NLGN1: variants seen among roughly 807,000 people sequenced by gnomAD.
NLGN1 encodes neuroligin-1.
Under a neutral mutation model 65.5 loss-of-function variants are expected in NLGN1, and 12 were observed. The ratio of observed to expected loss-of-function variants is 0.18; its 90% CI spans 0.12 to 0.30. The LOEUF (loss-of-function observed/expected upper bound fraction) is 0.30, where lower values mean the gene tolerates loss of function less well. Among genes scored for constraint, NLGN1 ranks in the 10% least tolerant of loss-of-function variants. The pLI is 1.00. For missense variants in NLGN1, 750 were observed against 1,007.1 expected (o/e 0.74, Z 3.46); for synonymous variants, 350 against 359.5 (o/e 0.97, Z 0.30).
chr3:174,162,354 G>A (rs1451931897), intron 4 of NLGN1, among the ~76,000 whole-genome samples: 1 of 151,834 alleles, frequency 6.6e-6, no homozygotes, highest in Non-Finnish European at 1.5e-5. Context: ...ACATCTAGGA[G>A]CAATCAGTGT....
chr3:173,423,480 G>A (rs910445747), intron 1 of NLGN1, among the ~76,000 whole-genome samples: 1 of 152,060 alleles, frequency 6.6e-6, no homozygotes, highest in African/African-American at 2.4e-5. Flanking sequence ...TTACCTCCAA[G>A]ATACAATGGA....
chr3:173,809,079 G>A (rs543909388), intron 4 of NLGN1, among the ~76,000 whole-genome samples: 19 of 143,336 alleles, frequency 1.3e-4, no homozygotes, highest in Non-Finnish European at 1.7e-4. Context: ...TTTGGAGTGT[G>A]GTGAATGACC....
chr3:173,839,795 A>G (rs1724425201), intron 4 of NLGN1, among the ~76,000 whole-genome samples: 1 of 152,176 alleles, frequency 6.6e-6, no homozygotes, highest in South Asian at 2.1e-4. Flanking sequence ...AAGCACTCAA[A>G]CATTAGCAGC....
At chr3:174,226,133 A>C (rs1448132006) in intron 4 of NLGN1, among the ~76,000 whole-genome samples, 1 of 152,128 alleles carries the variant, frequency 6.6e-6, no homozygotes, top group African/African-American at 2.4e-5. Context: ...GATGATTAGG[A>C]AACATATGGC....
intron 4 of NLGN1, among the ~76,000 whole-genome samples, chr3:173,970,261 T>A (rs1715913388): frequency 6.6e-6 from 1 of 152,168 alleles, no homozygotes; most frequent in Admixed American, 6.6e-5. Context: ...AAGTAAACAT[T>A]AGTGAAGACT....
chr3:173,719,715 C>A (rs1358087269), intron 3 of NLGN1, among the ~76,000 whole-genome samples: 11 of 152,142 alleles, frequency 7.2e-5, no homozygotes, highest in Non-Finnish European at 1.3e-4. Context: ...TTAAGGAATC[C>A]TGAAAATGTC....
At chr3:173,852,433 C>G (rs966793706) in intron 4 of NLGN1, among the ~76,000 whole-genome samples, 2 of 149,036 alleles carry the variant, frequency 1.3e-5, no homozygotes, top group Admixed American at 6.7e-5. Flanking sequence ...CCATGGAATG[C>G]CCCAATAGGA....
intron 4 of NLGN1, among the ~76,000 whole-genome samples, chr3:173,909,860 T>TAG (rs1362636741): frequency 6.6e-6 from 1 of 152,100 alleles, no homozygotes; most frequent in Non-Finnish European, 1.5e-5. Flanking sequence ...GTATTTTCAG[T>TAG]AGAGACGGGG....
intron 1 of NLGN1, among the ~76,000 whole-genome samples, chr3:173,418,544 T>C (rs1370918545): frequency 6.6e-6 from 1 of 152,204 alleles, no homozygotes; most frequent in Non-Finnish European, 1.5e-5. Flanking sequence ...ATCCAATAGG[T>C]ATGATCTTTC....
intron 4 of NLGN1, among the ~76,000 whole-genome samples, chr3:173,889,988 GGT>G (rs140428383): frequency 0.023 from 3,394 of 147,202 alleles, 105 homozygotes; most frequent in African/African-American, 0.073. Context: ...TATGTATGAG[GGT>G]GTGTGTGTGT....
chr3:173,692,277 A>C (rs1013721953), intron 3 of NLGN1, among the ~76,000 whole-genome samples: 1 of 152,102 alleles, frequency 6.6e-6, no homozygotes, highest in Non-Finnish European at 1.5e-5. Flanking sequence ...TTATGTAGTC[A>C]CCGTCTCCTC....
At chr3:173,791,086 G>A (rs968500105) in intron 3 of NLGN1, among the ~76,000 whole-genome samples, 30 of 152,292 alleles carry the variant, frequency 2.0e-4, no homozygotes, top group African/African-American at 6.5e-4. Context: ...GTCTACAGTC[G>A]TTAAAAACGG....
intron 4 of NLGN1, 125 bp from the exon 5 acceptor site, chr3:174,275,190 T>C (rs1410723012): frequency 3.0e-6 from 2 of 666,318 alleles, no homozygotes; most frequent in African/African-American, 1.8e-5. Flanking sequence ...TAGTGGAAAA[T>C]AATTTTTACT....
chr3:173,829,557 TG>T (rs1722062353), intron 4 of NLGN1, among the ~76,000 whole-genome samples: 1 of 143,126 alleles, frequency 7.0e-6, no homozygotes, highest in African/African-American at 2.8e-5. Flanking sequence ...TGTGTGCGTG[TG>T]TGTGTGTGTG....
At chr3:173,599,617 T>C (rs998443195) in intron 2 of NLGN1, among the ~76,000 whole-genome samples, 2 of 152,268 alleles carry the variant, frequency 1.3e-5, no homozygotes, top group Admixed American at 1.3e-4. Flanking sequence ...TATTACTAAG[T>C]CCATTTTTAT....
At chr3:173,420,681 T>C (rs1714874699) in intron 1 of NLGN1, among the ~76,000 whole-genome samples, 1 of 152,198 alleles carries the variant, frequency 6.6e-6, no homozygotes, top group African/African-American at 2.4e-5. Flanking sequence ...TTGAACTAGT[T>C]TACAGTCCCA....
chr3:173,577,320 C>CT (rs1219681189), intron 2 of NLGN1, among the ~76,000 whole-genome samples: 11 of 152,318 alleles, frequency 7.2e-5, no homozygotes, highest in African/African-American at 2.4e-4. Context: ...CATAAACCAT[C>CT]TATCCTCATA....
chr3:173,760,708 A>G (rs1383846759), intron 3 of NLGN1, among the ~76,000 whole-genome samples: 2 of 152,054 alleles, frequency 1.3e-5, no homozygotes, highest in African/African-American at 4.8e-5. Context: ...TAGATCTGCA[A>G]GAGCCAGGAA....
At chr3:173,475,690 G>C (rs955218298) in intron 2 of NLGN1, among the ~76,000 whole-genome samples, 2 of 152,104 alleles carry the variant, frequency 1.3e-5, no homozygotes, top group Admixed American at 1.3e-4. Context: ...ATTAATGACT[G>C]ATCACTTATT....
Sources: allele counts gnomAD v4.1 joint callset (sites outside exome capture counted in the v4.1 genomes callset), GRCh38; gene constraint gnomAD v4.1.1; transcripts MANE v1.5; gene names NCBI Gene and HGNC (gene_info 2026-07-23, HGNC 2026-07-21).